Variants in UNC13C observed in about 807,000 individuals in gnomAD.
UNC13C encodes the protein unc-13 homolog C.
In UNC13C, 174 loss-of-function variants were observed where a neutral mutation model predicts 245.4. The ratio of observed to expected loss-of-function variants is 0.71; its 90% CI spans 0.63 to 0.80. UNC13C has a LOEUF of 0.80. Ranked by LOEUF, UNC13C falls within the 30% of genes least tolerant of loss-of-function variation. UNC13C has a pLI of 0.00. For synonymous variants in UNC13C, 992 were observed against 895.1 expected (o/e 1.11, Z -1.93); for missense variants, 2,829 against 2,602.9 (o/e 1.09, Z -1.89).
the UNC13C span, among the ~76,000 whole-genome samples, chr15:53,930,071 T>C: frequency 1.3e-5 from 2 of 152,176 alleles, no homozygotes; most frequent in Non-Finnish European, 2.9e-5. Context: ...CTTGACCTGG[T>C]AACTGGGCTG....
At chr15:54,584,241 C>T (rs1006621738) in intron 30 of UNC13C, among the ~76,000 whole-genome samples, 6 of 152,170 alleles carry the variant, frequency 3.9e-5, no homozygotes, top group African/African-American at 1.4e-4. Flanking sequence ...TGTTTACTGA[C>T]AATATATATT....
chr15:54,040,712 T>A (rs1370931748), intron 2 of UNC13C, among the ~76,000 whole-genome samples: 1 of 152,186 alleles, frequency 6.6e-6, no homozygotes, highest in Non-Finnish European at 1.5e-5. Context: ...GAGTCACAGG[T>A]GTTTGCAGTA....
intron 2 of UNC13C, among the ~76,000 whole-genome samples, chr15:54,075,448 CCGGAGCTTGCA>C (rs1898552680): frequency 2.3e-5 from 1 of 44,020 alleles, no homozygotes; most frequent in African/African-American, 4.5e-5. Context: ...TTGCAGTGAG[CCGGAGCTTGCA>C]GTGAGCCGGA....
the UNC13C span, among the ~76,000 whole-genome samples, chr15:53,859,619 T>C: frequency 7.2e-6 from 1 of 139,546 alleles, no homozygotes; most frequent in African/African-American, 2.6e-5. Context: ...ATTTATAAAA[T>C]AAGTACAGGC....
intron 30 of UNC13C, chr15:54,611,402 C>T (rs566857710): frequency 1.3e-5 from 2 of 152,118 alleles, no homozygotes; most frequent in East Asian, 1.9e-4. Flanking sequence ...AAAAAAAGGT[C>T]ACTGGAGACT....
rs947143732 is a variant in UNC13C, at chr15:54,334,151, T to A, written c.4584+295T>A. 3.9e-5 allele frequency among the ~76,000 whole-genome samples: 6 copies of A among 152,112 alleles called. No homozygotes were observed. In the South Asian group the frequency reaches 6.2e-4, roughly 16 times the overall value. On this transcript the variant is annotated intron_variant, in intron 16 of 32. Transcript: ENST00000260323. ...TGGCACTTAAAAAATTTCCAAAGAA[T>A]GTTAAATGGAAATGGAGTTCACTTC...
chr15:54,453,571 A>G, intron 19 of UNC13C, among the ~76,000 whole-genome samples: 1 of 152,198 alleles, frequency 6.6e-6, no homozygotes. Flanking sequence ...GCTACAGTAA[A>G]AAGTTCTTGT....
intron 26 of UNC13C, among the ~76,000 whole-genome samples, chr15:54,538,440 G>A (rs991752703): frequency 5.9e-5 from 9 of 152,076 alleles, no homozygotes; most frequent in Admixed American, 2.0e-4. Context: ...AGCTTGGAGA[G>A]TTCTCAACTA....
At chr15:53,870,873 A>G in the UNC13C span, among the ~76,000 whole-genome samples, 1 of 152,176 alleles carries the variant, frequency 6.6e-6, no homozygotes, top group African/African-American at 2.4e-5. Context: ...CTTCTACTCT[A>G]GGATGCTTCT....
chr15:53,960,344 T>C, the UNC13C span, among the ~76,000 whole-genome samples: 2 of 151,906 alleles, frequency 1.3e-5, no homozygotes, highest in Non-Finnish European at 2.9e-5. Context: ...TGTTTTTTTT[T>C]TTTTTCCTAA....
intron 2 of UNC13C, among the ~76,000 whole-genome samples, chr15:54,126,280 G>A (rs1316226444): frequency 1.3e-5 from 2 of 151,936 alleles, no homozygotes; most frequent in Non-Finnish European, 2.9e-5. Context: ...AGTAAAGCAT[G>A]GAAAAAGATA....
the UNC13C span, among the ~76,000 whole-genome samples, chr15:53,959,395 T>C: frequency 3.3e-5 from 5 of 152,318 alleles, no homozygotes; most frequent in African/African-American, 1.2e-4. Flanking sequence ...TGTACTACTT[T>C]ACATTCCCAT....
At chr15:54,213,828 C>T (rs2034958166) in intron 4 of UNC13C, among the ~76,000 whole-genome samples, 1 of 151,924 alleles carries the variant, frequency 6.6e-6, no homozygotes, top group Non-Finnish European at 1.5e-5. Context: ...ACTTGCCAAC[C>T]TAACAGGTAG....
At chr15:54,034,864 A>G (rs1450011920) in intron 2 of UNC13C, among the ~76,000 whole-genome samples, 5 of 152,182 alleles carry the variant, frequency 3.3e-5, no homozygotes, top group Non-Finnish European at 7.3e-5. Flanking sequence ...TAAACCTGGG[A>G]GACTACTCTG....
chr15:54,149,021 G>C (rs566137789), intron 4 of UNC13C, among the ~76,000 whole-genome samples: 3 of 152,154 alleles, frequency 2.0e-5, no homozygotes, highest in East Asian at 3.9e-4. Flanking sequence ...TGGATCATGG[G>C]GGGCAGTTTC....
intron 4 of UNC13C, among the ~76,000 whole-genome samples, chr15:54,178,524 T>C (rs1458993179): frequency 6.6e-6 from 1 of 152,140 alleles, no homozygotes; most frequent in South Asian, 2.1e-4. Flanking sequence ...AAGTAGTTCC[T>C]AGAAACAGCT....
At chr15:54,301,159 C>CT (rs977090242) in intron 13 of UNC13C, among the ~76,000 whole-genome samples, 1 of 151,866 alleles carries the variant, frequency 6.6e-6, no homozygotes, top group African/African-American at 2.4e-5. Flanking sequence ...TATTAGATGA[C>CT]TTTTTTCATA....
intron 24 of UNC13C, among the ~76,000 whole-genome samples, chr15:54,518,259 G>C (rs1157959337): frequency 6.6e-6 from 1 of 152,192 alleles, no homozygotes; most frequent in Non-Finnish European, 1.5e-5. Flanking sequence ...ATTAAGAAAA[G>C]GTGCTGCTGA....
chr15:54,300,144 T>C, intron 12 of UNC13C, 66 bp from the exon 13 acceptor site: 1 of 1,470,772 alleles, frequency 6.8e-7, no homozygotes, highest in Non-Finnish European at 9.2e-7. Flanking sequence ...TTACTGGAAG[T>C]TTTAGTTAAA....
Sources: allele counts gnomAD v4.1 joint callset (sites outside exome capture counted in the v4.1 genomes callset), GRCh38; gene constraint gnomAD v4.1.1; transcripts MANE v1.5; gene names NCBI Gene and HGNC (gene_info 2026-07-23, HGNC 2026-07-21).